MPHOSPH6: variants seen among roughly 807,000 people sequenced by gnomAD.
MPHOSPH6 encodes the protein M-phase phosphoprotein 6.
Under a neutral mutation model 21.8 loss-of-function variants are expected in MPHOSPH6, and 25 were observed. That is an observed-to-expected ratio of 1.15 (90% CI 0.83 to 1.60). MPHOSPH6 has a LOEUF of 1.60. Ranked by LOEUF, MPHOSPH6 falls within the 40% of genes most tolerant of loss-of-function variation. The probability of loss-of-function intolerance (pLI) is 0.00; values close to 1 mark genes in which losing one functional copy is unlikely to be tolerated. For missense variants in MPHOSPH6, 269 were observed against 181.8 expected, an observed-to-expected ratio of 1.48 and a Z score of -2.76; for synonymous variants, 84 against 56.5, an observed-to-expected ratio of 1.49 and a Z score of -2.18.
At chr16:82,167,316 T>C (rs1263781470) in intron 1 of MPHOSPH6, among the ~76,000 whole-genome samples, 1 of 152,166 alleles carries the variant, frequency 6.6e-6, no homozygotes, top group Non-Finnish European at 1.5e-5. Context: ...TCAGAGGCAT[T>C]GAAGTGAGTC....
chr16:82,150,210 C>G (rs1906220700), intron 3 of MPHOSPH6, among the ~76,000 whole-genome samples: 1 of 152,032 alleles, frequency 6.6e-6, no homozygotes. Context: ...TGCCCCCCAT[C>G]AATTTCTGCG....
chr16:82,148,984 A>C, intron 4 of MPHOSPH6, 121 bp from the exon 5 acceptor site: 2 of 1,267,162 alleles, frequency 1.6e-6, no homozygotes, highest in Non-Finnish European at 2.2e-6. Flanking sequence ...ACTATCATTA[A>C]AAGAAACCAT....
At chr16:82,166,204 G>A (rs182554272) in intron 1 of MPHOSPH6, among the ~76,000 whole-genome samples, 3 of 152,356 alleles carry the variant, frequency 2.0e-5, no homozygotes, top group Admixed American at 6.5e-5. Context: ...GCAACTTCCT[G>A]TGAATCTATC....
intron 2 of MPHOSPH6, 73 bp downstream of exon 2, chr16:82,164,009 G>C (rs1906683950): frequency 1.0e-6 from 1 of 956,532 alleles, no homozygotes; most frequent in Admixed American, 2.2e-5. Flanking sequence ...TCACCGGAAT[G>C]ATGAGTTAAA....
Position 82,148,812 on chromosome 16 carries a change from GTCTC to G in MPHOSPH6, c.398_401del (p.Arg133ThrfsTer13), listed in dbSNP as rs750504885. ...TTTCATCTTCTTCATAATTGGCATG[GTCTC>G]TCTTTCTGGCAAACTTTTTCCCAAT... On this transcript the variant is annotated frameshift_variant, in exon 5 of 5. Transcript: ENST00000258169. LOFTEE classifies it high-confidence loss of function. The G allele has an allele frequency of 1.9e-6, 3 of 1,614,018 alleles. No homozygotes were observed. The East Asian group carries it at 6.7e-5, about 36-fold the overall frequency.
At chr16:82,156,254 A>T (rs954852616) in intron 2 of MPHOSPH6, among the ~76,000 whole-genome samples, 1 of 152,230 alleles carries the variant, frequency 6.6e-6, no homozygotes, top group Non-Finnish European at 1.5e-5. Context: ...AGATGTATGT[A>T]AGTTTTGTCT....
At chr16:82,154,747 T>C (rs999624417) in intron 2 of MPHOSPH6, among the ~76,000 whole-genome samples, 1 of 152,152 alleles carries the variant, frequency 6.6e-6, no homozygotes, top group Non-Finnish European at 1.5e-5. Flanking sequence ...TGGAATTCAT[T>C]ACTAAAAATC....
At chr16:82,152,960 G>T (rs921104310) in intron 2 of MPHOSPH6, among the ~76,000 whole-genome samples, 2 of 152,166 alleles carry the variant, frequency 1.3e-5, no homozygotes, top group Non-Finnish European at 2.9e-5. Flanking sequence ...TGCGGAAACA[G>T]CCACCAGTAA....
intron 2 of MPHOSPH6, among the ~76,000 whole-genome samples, chr16:82,157,623 C>A (rs1906468631): frequency 6.6e-6 from 1 of 152,132 alleles, no homozygotes; most frequent in Non-Finnish European, 1.5e-5. Flanking sequence ...TGAATGCAAC[C>A]ACCACCCACA....
chr16:82,161,515 T>C (rs966257856), intron 2 of MPHOSPH6, among the ~76,000 whole-genome samples: 1 of 152,194 alleles, frequency 6.6e-6, no homozygotes, highest in Non-Finnish European at 1.5e-5. Context: ...AAAAAAACAA[T>C]AAGGCAATAG....
Position 82,148,573 on chromosome 16 carries a change from C to A in MPHOSPH6, c.*158G>T. On this transcript the variant is annotated 3_prime_UTR_variant, in exon 5 of 5. Coordinates refer to ENST00000258169, the MANE Select transcript of MPHOSPH6 (RefSeq NM_005792.2). ...GAAGCAAAGGATGTACAACATCCATCACACATCTGTTTCAAAAACAGCATG... is the reference window on the plus strand; with the variant it reads ...GAAGCAAAGGATGTACAACATCCATAACACATCTGTTTCAAAAACAGCATG... 1 of 916,566 alleles carries A rather than the reference C, an allele frequency of 1.1e-6. No homozygotes were observed. The highest frequency in any genetic ancestry group is 1.6e-6 in the Non-Finnish European group (1 of 641,158). The allele number at this position is 916,566 out of a possible 1,614,324, so 56.8% of individuals were successfully genotyped here.
intron 2 of MPHOSPH6, among the ~76,000 whole-genome samples, chr16:82,156,122 G>GA (rs1399311242): frequency 3.3e-5 from 5 of 151,906 alleles, no homozygotes; most frequent in Non-Finnish European, 7.4e-5. Flanking sequence ...AACCATAAAA[G>GA]AAAAAATTGA....
intron 2 of MPHOSPH6, among the ~76,000 whole-genome samples, chr16:82,156,611 C>T (rs1404782338): frequency 1.3e-5 from 2 of 152,136 alleles, no homozygotes; most frequent in Non-Finnish European, 2.9e-5. Flanking sequence ...AGATACATAA[C>T]TCCAAATGTT....
chr16:82,165,881 T>A (rs1906762136), intron 1 of MPHOSPH6, among the ~76,000 whole-genome samples: 2 of 150,840 alleles, frequency 1.3e-5, no homozygotes, highest in Non-Finnish European at 3.0e-5. Flanking sequence ...AAATCATGTG[T>A]TAAGTAACAC....
rs534612392 is a variant in MPHOSPH6, at chr16:82,166,172, G to A, written c.52-1978C>T. On this transcript the variant is annotated intron_variant, in intron 1 of 4. Transcript: ENST00000258169. Reference sequence around the variant, plus strand: ...AGGGGAGGTGGCATGAAGGACGCACGGGATATCCCTGTACACTTTTTGCAA... The same window carrying A: ...AGGGGAGGTGGCATGAAGGACGCACAGGATATCCCTGTACACTTTTTGCAA... Among the ~76,000 whole-genome samples, 10 of 152,262 alleles carry A rather than the reference G, an allele frequency of 6.6e-5. No individual in the cohort carries two copies. In the South Asian group the frequency reaches 2.1e-3, roughly 32 times the overall value.
At chr16:82,153,664 T>C (rs897098950) in intron 2 of MPHOSPH6, among the ~76,000 whole-genome samples, 8 of 152,242 alleles carry the variant, frequency 5.3e-5, no homozygotes, top group Middle Eastern at 3.2e-3. Flanking sequence ...CCTTGAATCT[T>C]TGGCTGACCA....
chr16:82,159,810 T>C (rs986617839), intron 2 of MPHOSPH6, among the ~76,000 whole-genome samples: 8 of 152,202 alleles, frequency 5.3e-5, no homozygotes, highest in African/African-American at 1.7e-4. Flanking sequence ...CTAGTCTGGC[T>C]AGAAACTCAC....
chr16:82,165,893 TGATG>T (rs1906762990), intron 1 of MPHOSPH6, among the ~76,000 whole-genome samples: 2 of 152,236 alleles, frequency 1.3e-5, no homozygotes, highest in Non-Finnish European at 2.9e-5. Context: ...AAGTAACACA[TGATG>T]GTGATAACAT....
At chr16:82,154,263 C>A (rs1305432080) in intron 2 of MPHOSPH6, among the ~76,000 whole-genome samples, 2 of 152,328 alleles carry the variant, frequency 1.3e-5, no homozygotes, top group East Asian at 3.9e-4. Context: ...AAAGGCCACA[C>A]CTTAGGAGTA....
Sources: allele counts gnomAD v4.1 joint callset (sites outside exome capture counted in the v4.1 genomes callset), GRCh38; gene constraint gnomAD v4.1.1; transcripts MANE v1.5; gene names NCBI Gene and HGNC (gene_info 2026-07-23, HGNC 2026-07-21).